Variants in USP9X observed in about 807,000 individuals in gnomAD.
The protein encoded by USP9X is ubiquitin carboxyl-terminal hydrolase 9X.
In USP9X, 7 loss-of-function variants were observed where a neutral mutation model predicts 190.3. The ratio of observed to expected loss-of-function variants is 0.04; its 90% CI spans 0.02 to 0.07. The LOEUF is 0.07. Among genes scored for constraint, USP9X ranks in the 10% least tolerant of loss-of-function variants. The pLI is 1.00. For missense variants in USP9X, 1,010 were observed against 1,916.9 expected (o/e 0.53, Z 8.83); for synonymous variants, 645 against 659.5 (o/e 0.98, Z 0.34).
At chrX:41,090,052 C>T (rs2146906216) in intron 1 of USP9X, among the ~76,000 whole-genome samples, 1 of 106,398 alleles carries the variant, frequency 9.4e-6, no homozygotes, top group African/African-American at 3.4e-5. Flanking sequence ...ACTACAGGTG[C>T]TCCCATGCCT....
intron 3 of USP9X, among the ~76,000 whole-genome samples, chrX:41,131,185 G>T (rs1438241154): frequency 9.0e-6 from 1 of 111,405 alleles, no homozygotes; most frequent in African/African-American, 3.3e-5. Context: ...TGTTATAATA[G>T]TTTTATATCC....
chrX:41,226,066 A>G (rs1480316631), intron 41 of USP9X, among the ~76,000 whole-genome samples: 1 of 112,133 alleles, frequency 8.9e-6, no homozygotes, highest in Non-Finnish European at 1.9e-5. Flanking sequence ...TGCTCTGTAT[A>G]TGTCCACAGA....
At chrX:41,089,936 C>G (rs1333817040) in intron 1 of USP9X, among the ~76,000 whole-genome samples, 1 of 43,097 alleles carries the variant, frequency 2.3e-5, no homozygotes, top group Admixed American at 4.6e-4. Context: ...TTTTTTGAGA[C>G]AGATTCTCAC....
chrX:41,134,496 C>T (rs1270918579), intron 4 of USP9X, among the ~76,000 whole-genome samples: 2 of 112,375 alleles, frequency 1.8e-5, no homozygotes, highest in Non-Finnish European at 3.8e-5. Context: ...AAATTTGCCT[C>T]TTCTTGTGGT....
In USP9X at chrX:41,207,204, T is replaced by A. The variant is rs1428695357; in HGVS notation, c.5015+1711T>A. 2.9e-5 allele frequency among the ~76,000 whole-genome samples: 3 copies of A among 101,851 alleles called. No homozygotes were observed. In the East Asian group the frequency reaches 9.8e-4, roughly 33 times the overall value. The allele number at this position is 101,851 out of a possible 115,157, so 88.4% of individuals were successfully genotyped here. ...CCCAGGTTCAAGCAATTCTTCAGCC[T>A]CAGCCTCTCAAGTAGCTAGGACGAC... On this transcript the variant is annotated intron_variant, in intron 32 of 44. Coordinates refer to ENST00000378308, the MANE Select transcript of USP9X (RefSeq NM_001039591.3).
At chrX:41,155,454 G>A (rs781127928) in intron 14 of USP9X, among the ~76,000 whole-genome samples, 8 of 111,569 alleles carry the variant, frequency 7.2e-5, no homozygotes, top group Non-Finnish European at 1.1e-4. Context: ...AATACTTACC[G>A]AAAGTTTAAT....
In USP9X at chrX:41,216,077, G is replaced by A. The variant is rs1326399577; in HGVS notation, c.5510G>A (p.Gly1837Glu). 8.3e-7 allele frequency: 1 copy of A among 1,209,825 alleles called. No homozygotes were observed. Among genetic ancestry groups the A allele is most frequent in the Non-Finnish European group, 1.1e-6 (1 of 895,312 alleles). Reference protein sequence around the residue: ...YTVAGVAKLEGDNVNPESQLI... With the variant: ...YTVAGVAKLEEDNVNPESQLI... ...GTTGCAGGTGTCGCAAAGCTGGAAG[G>A]GGATAATGTAAACCCAGAGAGTCAG... The change falls in exon 35 of 45, where the codon GGG (glycine) becomes GAG (glutamate). Residue 1837 changes from glycine (G) to glutamate (E), a missense_variant. Physicochemically the swap from Gly to Glu is moderately conservative, Grantham distance 98 (BLOSUM62 -2). Coordinates refer to ENST00000378308, the MANE Select transcript of USP9X (RefSeq NM_001039591.3).
At chrX:41,192,179 C>T (rs755955062) in intron 26 of USP9X, among the ~76,000 whole-genome samples, 2 of 111,947 alleles carry the variant, frequency 1.8e-5, no homozygotes, top group East Asian at 2.8e-4. Flanking sequence ...CATGTCTTCC[C>T]GTTATCTTTG....
At chrX:41,194,904 A>G (rs1394270491) in intron 26 of USP9X, among the ~76,000 whole-genome samples, 2 of 111,639 alleles carry the variant, frequency 1.8e-5, no homozygotes, top group African/African-American at 6.5e-5. Context: ...ATTTTATTCT[A>G]GTGAGATCTA....
At chrX:41,110,022 T>C (rs2062097163) in intron 1 of USP9X, among the ~76,000 whole-genome samples, 1 of 111,284 alleles carries the variant, frequency 9.0e-6, no homozygotes, top group African/African-American at 3.3e-5. Flanking sequence ...AACATGAACC[T>C]CCTCATTTAA....
At chrX:41,089,776 A>G (rs1488025339) in intron 1 of USP9X, among the ~76,000 whole-genome samples, 4 of 110,647 alleles carry the variant, frequency 3.6e-5, no homozygotes, top group Non-Finnish European at 7.6e-5. Flanking sequence ...TATGGAACGA[A>G]TGAAATAACA....
At position 41,226,726 on chromosome X, in the gene USP9X, C is replaced by G. The variant is rs774708354; in HGVS notation, c.7061+1589C>G. The stretch of plus-strand genomic sequence containing the variant: ...TCAGAATTATAGTCGTTTATTCAGG[C>G]AGTATTCAGTGCCCTTCTAAATATG... On this transcript the variant is annotated intron_variant, in intron 41 of 44. Coordinates refer to ENST00000378308, the MANE Select transcript of USP9X (RefSeq NM_001039591.3). Among the ~76,000 whole-genome samples, 4 of 112,305 alleles carry G rather than the reference C, an allele frequency of 3.6e-5. No homozygotes were observed. In the South Asian group the frequency reaches 1.5e-3, roughly 41 times the overall value.
chrX:41,125,684 ACTCT>A lies in USP9X; in HGVS notation c.96+1992_96+1995del, dbSNP rs1555918325. 7.7e-3 allele frequency among the ~76,000 whole-genome samples: 147 copies of A among 19,022 alleles called. 3 individuals carry two copies. The highest frequency in any genetic ancestry group is 0.027 in the Admixed American group (36 of 1,314). 16.5% of individuals were successfully genotyped at this position (19,022 alleles called of 115,157 possible). On this transcript the variant is annotated intron_variant, in intron 2 of 44. Coordinates refer to ENST00000378308, the MANE Select transcript of USP9X (RefSeq NM_001039591.3). Reference sequence around the variant, plus strand: ...CACACACACACACACACACACACACACTCTCTCTCTCTCTCTCTCTCTCTCTCTC... The same window carrying A: ...CACACACACACACACACACACACACACTCTCTCTCTCTCTCTCTCTCTCTC...
chrX:41,172,736 AC>A (rs755739652), intron 21 of USP9X, among the ~76,000 whole-genome samples: 2 of 111,319 alleles, frequency 1.8e-5, no homozygotes, highest in Non-Finnish European at 3.8e-5. Context: ...CTTCCCACAT[AC>A]TTTTTTTTGA....
At chrX:41,212,540 C>CTTGAAAATT (rs1390266422) in intron 33 of USP9X, among the ~76,000 whole-genome samples, 1 of 108,342 alleles carries the variant, frequency 9.2e-6, no homozygotes, top group Non-Finnish European at 1.9e-5. Flanking sequence ...AATTGTTTGA[C>CTTGAAAATT]TTGAAAATTG....
chrX:41,173,662 T>C (rs1288002936), intron 21 of USP9X, among the ~76,000 whole-genome samples: 1 of 111,965 alleles, frequency 8.9e-6, no homozygotes, highest in Non-Finnish European at 1.9e-5. Context: ...TTTTCAGTTA[T>C]CTCCTTCACA....
intron 14 of USP9X, among the ~76,000 whole-genome samples, chrX:41,160,380 C>T (rs1424532536): frequency 2.7e-5 from 3 of 109,363 alleles, no homozygotes. Context: ...GTAAGAGGGC[C>T]TCTTCATTCC....
intron 1 of USP9X, among the ~76,000 whole-genome samples, chrX:41,118,654 A>G (rs1156875969): frequency 2.7e-5 from 3 of 111,192 alleles, no homozygotes; most frequent in African/African-American, 9.8e-5. Context: ...TCAGGAGGAG[A>G]TGGTAGGGAG....
intron 32 of USP9X, among the ~76,000 whole-genome samples, chrX:41,208,381 T>TA (rs1362442204): frequency 8.9e-6 from 1 of 112,134 alleles, no homozygotes; most frequent in African/African-American, 3.2e-5. Flanking sequence ...TTTTCTCTTG[T>TA]AATGCCTTTG....
Sources: allele counts gnomAD v4.1 joint callset (sites outside exome capture counted in the v4.1 genomes callset), GRCh38; gene constraint gnomAD v4.1.1; transcripts MANE v1.5; gene names NCBI Gene and HGNC (gene_info 2026-07-23, HGNC 2026-07-21).